Variants in SUMF1 observed in about 807,000 individuals in gnomAD.
SUMF1 encodes the protein sulfatase modifying factor 1, also known as formylglycine-generating enzyme.
Under a neutral mutation model 47.6 loss-of-function variants are expected in SUMF1, and 48 were observed. That is an observed-to-expected ratio of 1.01 (90% CI 0.80 to 1.28). The LOEUF is 1.28. Among genes scored for constraint, SUMF1 ranks in the 50% most tolerant of loss-of-function variants. The pLI is 0.00. For synonymous variants in SUMF1, 230 were observed against 192.1 expected, an observed-to-expected ratio of 1.20 and a Z score of -1.63; for missense variants, 571 against 485.4, an observed-to-expected ratio of 1.18 and a Z score of -1.66.
At chr3:4,328,779 G>C (rs551697555) in intron 8 of SUMF1, among the ~76,000 whole-genome samples, 2 of 152,168 alleles carry the variant, frequency 1.3e-5, no homozygotes, top group East Asian at 3.9e-4. Flanking sequence ...AATCATTCCA[G>C]CATTAACCCA....
chr3:4,442,625 AAGAGAGAAAAAGGAAAAAAAAAAAAAAG>A (rs145828749), intron 3 of SUMF1, among the ~76,000 whole-genome samples: 85,342 of 139,326 alleles, frequency 0.61, 27,692 homozygotes, highest in Non-Finnish European at 0.75. Flanking sequence ...ATAGAGGGAC[AAGAGAGAAAAAGGAAAAAAAAAAAAAAG>A]AGAGAGAAAA....
intron 8 of SUMF1, among the ~76,000 whole-genome samples, chr3:4,161,563 C>G (rs1574938895): frequency 6.6e-6 from 1 of 152,094 alleles, no homozygotes; most frequent in Non-Finnish European, 1.5e-5. Context: ...AGTGGAGTCT[C>G]TCTCCATAGC....
chr3:4,077,215 A>G (rs371280103), intron 8 of SUMF1, among the ~76,000 whole-genome samples: 1 of 152,104 alleles, frequency 6.6e-6, no homozygotes, highest in Non-Finnish European at 1.5e-5. Flanking sequence ...GTGGGAGTGT[A>G]AATTAGTTTA....
At chr3:4,063,059 A>G (rs1695300657) in intron 9 of SUMF1, among the ~76,000 whole-genome samples, 1 of 152,138 alleles carries the variant, frequency 6.6e-6, no homozygotes, top group African/African-American at 2.4e-5. Context: ...CTTTATTTAA[A>G]AAGGAAACAA....
chr3:4,449,351 G>C lies in SUMF1; in HGVS notation c.445-11C>G. On this transcript the variant is annotated splice_polypyrimidine_tract_variant and intron_variant, in intron 2 of 8. Coordinates refer to ENST00000272902, the MANE Select transcript of SUMF1 (RefSeq NM_182760.4). ...GCCAAACTTCTCAGCCTATAAGGAA[G>C]GTAGGAAATAAAAATCCAGAAAAGG... 3 of 1,613,996 alleles carry C rather than the reference G, an allele frequency of 1.9e-6. No homozygotes were observed. Among genetic ancestry groups the C allele is most frequent in the Non-Finnish European group, 2.5e-6 (3 of 1,179,890 alleles).
chr3:4,394,705 T>G (rs1458201935), intron 7 of SUMF1, among the ~76,000 whole-genome samples: 1 of 152,186 alleles, frequency 6.6e-6, no homozygotes, highest in Non-Finnish European at 1.5e-5. Flanking sequence ...CATAGTGTTT[T>G]TATTCTCAGA....
chr3:4,339,510 TC>T (rs1358455893), intron 8 of SUMF1, among the ~76,000 whole-genome samples: 1 of 152,100 alleles, frequency 6.6e-6, no homozygotes, highest in Non-Finnish European at 1.5e-5. Flanking sequence ...TTAGGGTGGC[TC>T]CATGTTGTAG....
chr3:4,040,986 C>T (rs888548665), intron 9 of SUMF1, among the ~76,000 whole-genome samples: 1 of 152,184 alleles, frequency 6.6e-6, no homozygotes, highest in Non-Finnish European at 1.5e-5. Context: ...GTTGGGTGCC[C>T]TTGGGGTCTG....
intron 3 of SUMF1, among the ~76,000 whole-genome samples, chr3:4,433,744 G>A (rs190595378): frequency 6.6e-6 from 1 of 152,338 alleles, no homozygotes; most frequent in African/African-American, 2.4e-5. Context: ...ATAGTACCTG[G>A]AAGACAGTGG....
At chr3:4,194,238 T>C (rs1695382089) in intron 8 of SUMF1, among the ~76,000 whole-genome samples, 1 of 152,134 alleles carries the variant, frequency 6.6e-6, no homozygotes, top group Non-Finnish European at 1.5e-5. Context: ...GATACTACCA[T>C]ATACTGGAAA....
chr3:4,154,284 T>C (rs570442106), intron 8 of SUMF1, among the ~76,000 whole-genome samples: 1 of 151,564 alleles, frequency 6.6e-6, no homozygotes, highest in South Asian at 2.1e-4. Flanking sequence ...AACCATCACA[T>C]AAAGTGACTC....
At chr3:4,059,987 T>C (rs1001912244) in intron 9 of SUMF1, among the ~76,000 whole-genome samples, 1 of 152,082 alleles carries the variant, frequency 6.6e-6, no homozygotes, top group Non-Finnish European at 1.5e-5. Flanking sequence ...GCAGGAAGCC[T>C]GAGGGGCTAC....
intron 8 of SUMF1, among the ~76,000 whole-genome samples, chr3:4,200,589 C>T (rs1695519678): frequency 6.6e-6 from 1 of 152,084 alleles, no homozygotes; most frequent in African/African-American, 2.4e-5. Context: ...AGTTCTGAGA[C>T]CTCTGGACTT....
In SUMF1 at chr3:4,380,965, A is replaced by T. The variant is rs139918818; in HGVS notation, c.955-4576T>A. 3.8e-3 allele frequency among the ~76,000 whole-genome samples: 584 copies of T among 152,282 alleles called. 2 individuals carry two copies. The highest frequency in any genetic ancestry group is 0.014 in the African/African-American group (564 of 41,552). On this transcript the variant is annotated intron_variant, in intron 7 of 8. Transcript: ENST00000272902. ...TGCCACAGAACCACGTATCAGTGAG[A>T]CTGGCTTGTTTGGAGGAGGAATGAG...
chr3:4,282,675 C>A (rs921872007), intron 8 of SUMF1, among the ~76,000 whole-genome samples: 1 of 152,158 alleles, frequency 6.6e-6, no homozygotes, highest in Admixed American at 6.5e-5. Context: ...TCAGTCAATT[C>A]TTATTTAGAG....
intron 8 of SUMF1, among the ~76,000 whole-genome samples, chr3:4,267,557 G>A (rs148110931): frequency 1.8e-4 from 28 of 152,176 alleles, no homozygotes; most frequent in Middle Eastern, 6.8e-3. Context: ...TATTTCTGTG[G>A]GATCGGTGGT....
intron 8 of SUMF1, among the ~76,000 whole-genome samples, chr3:4,230,839 T>G (rs191565869): frequency 1.3e-5 from 2 of 152,162 alleles, no homozygotes; most frequent in Admixed American, 1.3e-4. Context: ...ACTCCGGAGA[T>G]TCCAAGGGCT....
chr3:4,044,744 C>T (rs1289419755), intron 9 of SUMF1, among the ~76,000 whole-genome samples: 1 of 152,202 alleles, frequency 6.6e-6, no homozygotes, highest in Non-Finnish European at 1.5e-5. Context: ...CATGATGAGA[C>T]TTTTAGATCA....
intron 8 of SUMF1, among the ~76,000 whole-genome samples, chr3:4,125,285 G>A (rs1440996203): frequency 6.6e-6 from 1 of 152,042 alleles, no homozygotes; most frequent in African/African-American, 2.4e-5. Context: ...CATGTTACCG[G>A]TTATTACTGT....
Sources: gnomAD v4.1 joint callset for allele counts (sites outside exome capture counted in the v4.1 genomes callset) on GRCh38, gnomAD v4.1.1 for gene constraint, MANE v1.5 for transcripts, NCBI Gene and HGNC (gene_info 2026-07-23, HGNC 2026-07-21) for gene names.